Variants in ZNF143 observed in about 807,000 individuals in gnomAD.
ZNF143 encodes the protein SPH-binding factor.
Under a neutral mutation model 74.1 loss-of-function variants are expected in ZNF143, and 49 were observed. The observed-to-expected ratio is 0.66, with a 90% CI of 0.53 to 0.84. ZNF143 has a LOEUF of 0.84. Among genes scored for constraint, ZNF143 ranks in the 40% least tolerant of loss-of-function variants. The probability of loss-of-function intolerance (pLI) is 0.00; values close to 1 mark genes in which losing one functional copy is unlikely to be tolerated. For synonymous variants in ZNF143, 304 were observed against 282.8 expected (o/e 1.07, Z -0.75); for missense variants, 637 against 793.4 (o/e 0.80, Z 2.37).
intron 1 of ZNF143, among the ~76,000 whole-genome samples, chr11:9,465,207 G>A (rs1856122713): frequency 6.6e-6 from 1 of 152,082 alleles, no homozygotes; most frequent in African/African-American, 2.4e-5. Flanking sequence ...TTTGTTTTGA[G>A]ACGGAGTCTT....
At chr11:9,478,265 T>C (rs1360822614) in intron 5 of ZNF143, 125 bp from the exon 6 acceptor site, 3 of 875,580 alleles carry the variant, frequency 3.4e-6, no homozygotes, top group African/African-American at 1.7e-5. Flanking sequence ...ATAACACATA[T>C]CAAGTGCGTG....
Position 9,501,276 on chromosome 11 carries a change from A to G in ZNF143, c.1147+6A>G. 6.2e-7 allele frequency: 1 copy of G among 1,612,426 alleles called. No homozygotes were observed. The highest frequency in any genetic ancestry group is 8.5e-7 in the Non-Finnish European group (1 of 1,179,082). ...CCATGTGAGGATACACACAGGTAAC[A>G]ATCTCTGATCTTTTGGTCTTTTATC... is the stretch of plus-strand genomic sequence containing the variant. On this transcript the variant is annotated splice_donor_region_variant and intron_variant, in intron 11 of 15. Coordinates refer to ENST00000396602, the MANE Select transcript of ZNF143 (RefSeq NM_003442.6).
chr11:9,503,708 T>A (rs1010456245), intron 11 of ZNF143, among the ~76,000 whole-genome samples: 12 of 151,392 alleles, frequency 7.9e-5, no homozygotes, highest in African/African-American at 2.7e-4. Flanking sequence ...AGTGGTGTGA[T>A]CTCAGCTCAC....
At chr11:9,502,241 C>CTT (rs1183629630) in intron 11 of ZNF143, among the ~76,000 whole-genome samples, 8,210 of 56,908 alleles carry the variant, frequency 0.14, 647 homozygotes, top group Non-Finnish European at 0.16. Flanking sequence ...TGGCCATATT[C>CTT]TTTTTTTTTT....
At chr11:9,465,489 T>TTTTA (rs913464386) in intron 1 of ZNF143, among the ~76,000 whole-genome samples, 20 of 150,944 alleles carry the variant, frequency 1.3e-4, no homozygotes, top group African/African-American at 2.9e-4. Context: ...TGGCTGGTAC[T>TTTTA]TTTATTTATT....
chr11:9,499,778 A>AT (rs538664535), intron 10 of ZNF143, among the ~76,000 whole-genome samples: 60 of 152,100 alleles, frequency 3.9e-4, no homozygotes, highest in Non-Finnish European at 7.2e-4. Flanking sequence ...ATAAAGAGAG[A>AT]TTTTTTCCCC....
In ZNF143 at chr11:9,474,565, G is replaced by C; in HGVS notation, c.305G>C (p.Arg102Pro). ...TGTTCTTGAGCAGGGGACAGTTTGC[G>C]TCTAGAGGATGGTCAAGCAGTACAG... ...PIPKSTGDSL[R>P]LEDGQAVQLE... The change falls in exon 5 of 16, where the codon CGT becomes CCT. Residue 102 changes from arginine to proline, a missense_variant. Transcript: ENST00000396602. 6.2e-7 allele frequency: 1 copy of C among 1,614,108 alleles called. No individual in the cohort carries two copies. The highest frequency in any genetic ancestry group is 8.5e-7 in the Non-Finnish European group (1 of 1,180,008).
At chr11:9,516,830 T>A (rs775985645) in intron 14 of ZNF143, among the ~76,000 whole-genome samples, 1 of 152,204 alleles carries the variant, frequency 6.6e-6, no homozygotes, top group Admixed American at 6.5e-5. Context: ...CTTTTATCAG[T>A]TTTTTGTGTA....
At chr11:9,505,056 C>G (rs1848311130) in intron 11 of ZNF143, among the ~76,000 whole-genome samples, 1 of 118,882 alleles carries the variant, frequency 8.4e-6, no homozygotes, top group Non-Finnish European at 2.0e-5. Flanking sequence ...TCACTGCAAC[C>G]TCCGCCTCCT....
At chr11:9,469,262 G>A (rs923569025) in intron 1 of ZNF143, among the ~76,000 whole-genome samples, 41 of 118,570 alleles carry the variant, frequency 3.5e-4, no homozygotes, top group African/African-American at 1.2e-3. Flanking sequence ...ACGGAGTTTC[G>A]CTCTTGTTGC....
At chr11:9,486,396 A>T (rs11042384) in intron 7 of ZNF143, among the ~76,000 whole-genome samples, 16 of 11,906 alleles carry the variant, frequency 1.3e-3, no homozygotes, top group East Asian at 3.1e-3. Flanking sequence ...TAATATATAT[A>T]ATATATTATA....
chr11:9,496,733 A>T (rs976937366), intron 9 of ZNF143, among the ~76,000 whole-genome samples: 14 of 151,846 alleles, frequency 9.2e-5, no homozygotes, highest in African/African-American at 3.4e-4. Context: ...AGTAGCTGGG[A>T]TTACAGGCGC....
chr11:9,472,737 G>C lies in ZNF143; in HGVS notation c.173G>C (p.Gly58Ala). The change falls in exon 3 of 16, where the codon GGT becomes GCT. Residue 58 changes from glycine (G) to alanine (A), a missense_variant. By Grantham distance (60) the Gly-to-Ala change is moderately conservative (BLOSUM62 0). Coordinates refer to ENST00000396602, the MANE Select transcript of ZNF143 (RefSeq NM_003442.6). ...VSLQAVTLADGSTAYIQHNSK... is the reference protein window; with the variant it reads ...VSLQAVTLADASTAYIQHNSK... The stretch of plus-strand genomic sequence containing the variant: ...TTGCAAGCAGTAACACTTGCAGATG[G>C]TTCTACTGCTTACATACAACACAAT... 1.3e-6 allele frequency: 2 copies of C among 1,598,850 alleles called. No individual in the cohort carries two copies. Among genetic ancestry groups the C allele is most frequent in the Non-Finnish European group, 1.7e-6 (2 of 1,174,986 alleles).
rs779896817 is a variant in ZNF143, at chr11:9,474,518, CATG to C, written c.290-30_290-28del. The C allele has an allele frequency of 1.2e-5, 19 of 1,609,350 alleles. No homozygotes were observed. In the South Asian group the frequency reaches 2.0e-4, roughly 17 times the overall value. ...GAGTTAATTGGAATGTGCTAGAAAA[CATG>C]AGATCTAAATGTAAGCATTGTTCTT... On this transcript the variant is annotated intron_variant, in intron 4 of 15. Coordinates refer to ENST00000396602, the MANE Select transcript of ZNF143 (RefSeq NM_003442.6).
At chr11:9,467,445 G>A (rs1158080425) in intron 1 of ZNF143, among the ~76,000 whole-genome samples, 1 of 150,704 alleles carries the variant, frequency 6.6e-6, no homozygotes, top group Non-Finnish European at 1.5e-5. Flanking sequence ...CATGTTGTCC[G>A]GGCTGTTCTC....
chr11:9,517,287 GA>G (rs1401569200), intron 14 of ZNF143, among the ~76,000 whole-genome samples: 4 of 151,798 alleles, frequency 2.6e-5, no homozygotes, highest in Admixed American at 2.6e-4. Flanking sequence ...TCATTATATA[GA>G]GAACTTCCTC....
chr11:9,486,387 AATATATATAATATATTATATATATAAT>A (rs1847500775), intron 7 of ZNF143, among the ~76,000 whole-genome samples: 4 of 18,000 alleles, frequency 2.2e-4, no homozygotes, highest in Non-Finnish European at 4.2e-4. Context: ...TTATATATAT[AATATATATAATATATTATATATATAAT>A]ATATATTATA....
intron 1 of ZNF143, among the ~76,000 whole-genome samples, chr11:9,466,577 T>C (rs1202265710): frequency 6.6e-6 from 1 of 152,010 alleles, no homozygotes; most frequent in African/African-American, 2.4e-5. Context: ...ATTACAGATG[T>C]GAGCCACCAC....
In ZNF143 at chr11:9,508,717, C is replaced by A; in HGVS notation, c.1246C>A (p.Pro416Thr). The A allele has an allele frequency of 6.2e-7, 1 of 1,614,090 alleles. No individual in the cohort carries two copies. Among genetic ancestry groups the A allele is most frequent in the Non-Finnish European group, 8.5e-7 (1 of 1,180,022 alleles). ...TCATGTTGTCCACACTCATTCCAAACCTTACAACTGTAACCACTGTGGGAA... is the reference window on the plus strand; with the variant it reads ...TCATGTTGTCCACACTCATTCCAAAACTTACAACTGTAACCACTGTGGGAA... ...KHHVVHTHSKPYNCNHCGKTY... is the reference protein window; with the variant it reads ...KHHVVHTHSKTYNCNHCGKTY... Residue 416 changes from proline to threonine, a missense_variant, in exon 12 of 16, where the codon CCT becomes ACT. By Grantham distance (38) the Pro-to-Thr change is conservative (BLOSUM62 -1). Transcript: ENST00000396602.
Sources: allele counts gnomAD v4.1 joint callset (sites outside exome capture counted in the v4.1 genomes callset), GRCh38; gene constraint gnomAD v4.1.1; transcripts MANE v1.5; gene names NCBI Gene and HGNC (gene_info 2026-07-23, HGNC 2026-07-21).